TFF1: variants seen among roughly 807,000 people sequenced by gnomAD.
TFF1 encodes trefoil factor 1, also known as breast cancer estrogen-inducible protein.
TFF1 carries 8 observed loss-of-function variants against 7.7 expected under a neutral mutation model. The observed-to-expected ratio is 1.04, with a 90% CI of 0.61 to 1.87. The LOEUF is 1.87. Among genes scored for constraint, TFF1 ranks in the 40% most tolerant of loss-of-function variants. TFF1 has a pLI of 0.00. For synonymous variants in TFF1, 47 were observed against 44.8 expected, an observed-to-expected ratio of 1.05 and a Z score of -0.19; for missense variants, 120 against 113.4, an observed-to-expected ratio of 1.06 and a Z score of -0.26.
rs765153619 is a variant in TFF1, at chr21:42,363,423, TAAG to T, written c.86-19_86-17del. ...GTACACGTCTCTGAAAGTGCACAGG[TAAG>T]AAGCAAAGTAAGTTGTGGGCTGAAT... On this transcript the variant is annotated splice_polypyrimidine_tract_variant and intron_variant, in intron 1 of 2. Transcript: ENST00000291527. 6.2e-7 allele frequency: 1 copy of T among 1,609,426 alleles called. No homozygotes were observed. The highest frequency in any genetic ancestry group is 1.7e-5 in the Admixed American group (1 of 59,396).
intron 1 of TFF1, among the ~76,000 whole-genome samples, chr21:42,365,768 A>G (rs2052274718): frequency 6.6e-6 from 1 of 152,146 alleles, no homozygotes; most frequent in Admixed American, 6.5e-5. Flanking sequence ...AACACTTCCC[A>G]AGGAAGCAAG....
Position 42,366,405 on chromosome 21 carries a change from C to A in TFF1, c.85+6G>T, listed in dbSNP as rs372389913. The A allele has an allele frequency of 1.2e-5, 20 of 1,606,390 alleles. No homozygotes were observed. The highest frequency in any genetic ancestry group is 3.3e-4 in the Middle Eastern group (2 of 6,012). On this transcript the variant is annotated splice_donor_region_variant and intron_variant, in intron 1 of 2. Transcript: ENST00000291527. ...GCCCCACAGAGCAGGAAGAAGCACG[C>A]CTTACCTGTCTGGGCCTCGGCCAGG...
At chr21:42,365,349 A>G (rs935952770) in intron 1 of TFF1, among the ~76,000 whole-genome samples, 1 of 152,024 alleles carries the variant, frequency 6.6e-6, no homozygotes, top group Non-Finnish European at 1.5e-5. Context: ...TTCGTTCTGT[A>G]CACCGAGGCC....
intron 1 of TFF1, 99 bp from the exon 2 acceptor site, chr21:42,363,506 C>A: frequency 7.0e-7 from 1 of 1,428,702 alleles, no homozygotes; most frequent in Non-Finnish European, 9.4e-7. Flanking sequence ...ATGACATCAG[C>A]AACTGTCCAG....
At position 42,363,518 on chromosome 21, in the gene TFF1, G is replaced by A; in HGVS notation, c.86-111C>T. 1.6e-5 allele frequency: 22 copies of A among 1,347,876 alleles called. No individual in the cohort carries two copies. The South Asian group carries it at 3.0e-4, about 19-fold the overall frequency. The allele number at this position is 1,347,876 out of a possible 1,614,324, so 83.5% of individuals were successfully genotyped here. ...CCAATGACATCAGCAACTGTCCAGT[G>A]AGGCGGATATAAAACCCTCAGGACA... On this transcript the variant is annotated intron_variant, in intron 1 of 2. Transcript: ENST00000291527.
chr21:42,365,655 C>T (rs1014040729), intron 1 of TFF1, among the ~76,000 whole-genome samples: 5 of 152,210 alleles, frequency 3.3e-5, no homozygotes, highest in African/African-American at 4.8e-5. Context: ...TTCAGCTCCC[C>T]ACAGCTGGCA....
intron 1 of TFF1, among the ~76,000 whole-genome samples, chr21:42,366,104 G>A (rs1433390322): frequency 2.0e-5 from 3 of 152,090 alleles, no homozygotes; most frequent in Non-Finnish European, 2.9e-5. Context: ...GAGACCCCAC[G>A]CCAACACTTC....
At chr21:42,365,342 G>A (rs369067714) in intron 1 of TFF1, among the ~76,000 whole-genome samples, 6 of 152,084 alleles carry the variant, frequency 3.9e-5, no homozygotes, top group Admixed American at 2.0e-4. Context: ...CACCCAGTTC[G>A]TTCTGTACAC....
intron 1 of TFF1, among the ~76,000 whole-genome samples, chr21:42,365,504 G>A (rs970289950): frequency 4.6e-5 from 7 of 152,146 alleles, no homozygotes; most frequent in Non-Finnish European, 7.4e-5. Flanking sequence ...TCAAGAGGTG[G>A]CTGGAGGGCA....
Position 42,362,300 on chromosome 21 carries a change from A to C in TFF1, c.*179T>G. The C allele has an allele frequency of 1.6e-6, 1 of 642,926 alleles. No individual in the cohort carries two copies. Among genetic ancestry groups the C allele is most frequent in the Non-Finnish European group, 2.7e-6 (1 of 376,358 alleles). The allele number at this position is 642,926 out of a possible 1,614,324, so 39.8% of individuals were successfully genotyped here. On this transcript the variant is annotated 3_prime_UTR_variant, in exon 3 of 3. Coordinates refer to ENST00000291527, the MANE Select transcript of TFF1 (RefSeq NM_003225.3). ...GCACAGATTAATATCGATCTCTTTT[A>C]ATTTTTAGGCCAATTTTGAGTAGTC...
chr21:42,362,446 C>T lies in TFF1; in HGVS notation c.*33G>A, dbSNP rs372990908. On this transcript the variant is annotated 3_prime_UTR_variant, in exon 3 of 3. Transcript: ENST00000291527. ...AATCACCGTGCTGGGGACGGCACCGCGTCAGGATGCAGGCAGATCCCTGCA... is the reference window on the plus strand; with the variant it reads ...AATCACCGTGCTGGGGACGGCACCGTGTCAGGATGCAGGCAGATCCCTGCA... The T allele has an allele frequency of 1.6e-4, 254 of 1,570,144 alleles. No individual in the cohort carries two copies. The highest frequency in any genetic ancestry group is 2.0e-4 in the Non-Finnish European group (227 of 1,158,794).
chr21:42,363,209 T>A, intron 2 of TFF1, 46 bp downstream of exon 2: 2 of 1,613,020 alleles, frequency 1.2e-6, no homozygotes, highest in Non-Finnish European at 1.7e-6. Context: ...ATGACTTTTC[T>A]AACTAATTCT....
chr21:42,366,277 A>G (rs149986323), intron 1 of TFF1, 134 bp downstream of exon 1: 30 of 600,956 alleles, frequency 5.0e-5, no homozygotes, highest in African/African-American at 3.3e-4. Context: ...TGTAAATTGG[A>G]TATACTTTTA....
Position 42,366,404 on chromosome 21 carries a change from G to T in TFF1, c.85+7C>A. The T allele has an allele frequency of 2.5e-6, 4 of 1,605,514 alleles. No individual in the cohort carries two copies. Among genetic ancestry groups the T allele is most frequent in the Non-Finnish European group, 3.4e-6 (4 of 1,173,500 alleles). ...GGCCCCACAGAGCAGGAAGAAGCAC[G>T]CCTTACCTGTCTGGGCCTCGGCCAG... is the stretch of plus-strand genomic sequence containing the variant. On this transcript the variant is annotated splice_region_variant and intron_variant, in intron 1 of 2. Transcript: ENST00000291527.
At chr21:42,364,092 G>A (rs225354) in intron 1 of TFF1, among the ~76,000 whole-genome samples, 80,613 of 147,718 alleles carry the variant, frequency 0.55, 22,573 homozygotes, top group Non-Finnish European at 0.62. Flanking sequence ...GAGTGACAGA[G>A]CAAGACTCCA....
chr21:42,365,294 G>A (rs992594673), intron 1 of TFF1, among the ~76,000 whole-genome samples: 2 of 151,872 alleles, frequency 1.3e-5, no homozygotes, highest in Admixed American at 6.5e-5. Flanking sequence ...GGGCAAGGGC[G>A]CAGGCAGATG....
At chr21:42,365,783 G>T (rs1249895290) in intron 1 of TFF1, among the ~76,000 whole-genome samples, 1 of 152,140 alleles carries the variant, frequency 6.6e-6, no homozygotes, top group Admixed American at 6.5e-5. Context: ...AGCAAGAATG[G>T]CCTCCTCCTC....
intron 1 of TFF1, among the ~76,000 whole-genome samples, chr21:42,365,747 G>C (rs373208644): frequency 7.9e-5 from 12 of 152,218 alleles, no homozygotes; most frequent in East Asian, 7.7e-4. Flanking sequence ...AGGTAAAGGA[G>C]TTGAGATGCA....
intron 1 of TFF1, among the ~76,000 whole-genome samples, chr21:42,363,649 T>G (rs570972759): frequency 1.2e-4 from 19 of 152,344 alleles, no homozygotes; most frequent in African/African-American, 4.1e-4. Context: ...GGTAACTTAT[T>G]TATTCACTTT....
Sources: allele counts gnomAD v4.1 joint callset (sites outside exome capture counted in the v4.1 genomes callset), GRCh38; gene constraint gnomAD v4.1.1; transcripts MANE v1.5; gene names NCBI Gene and HGNC (gene_info 2026-07-23, HGNC 2026-07-21).